The following MYO16 variants were observed in gnomAD, a reference collection of about 807,000 sequenced individuals.
The protein encoded by MYO16 is unconventional myosin-XVI.
A neutral mutation model predicts 205.3 loss-of-function variants in MYO16; 94 were observed. That is an observed-to-expected ratio of 0.46 (90% CI 0.39 to 0.54). MYO16 has a LOEUF of 0.54. Among genes scored for constraint, MYO16 ranks in the 20% least tolerant of loss-of-function variants. The pLI, the probability that MYO16 is intolerant of heterozygous loss-of-function variation, is 0.00. For missense variants in MYO16, 2,315 were observed against 2,387.5 expected (o/e 0.97, Z 0.63); for synonymous variants, 988 against 954.0 (o/e 1.04, Z -0.66).
the MYO16 span, among the ~76,000 whole-genome samples, chr13:108,502,770 A>C: frequency 1.3e-5 from 2 of 152,312 alleles, no homozygotes; most frequent in East Asian, 3.9e-4. Context: ...ATGTGGTTGG[A>C]GTCCCTGGGT....
intron 16 of MYO16, among the ~76,000 whole-genome samples, chr13:108,917,730 G>T (rs923585717): frequency 6.6e-6 from 1 of 152,200 alleles, no homozygotes; most frequent in Non-Finnish European, 1.5e-5. Flanking sequence ...TTGGCCAGAG[G>T]CCCTATATTT....
At chr13:109,040,980 G>A (rs745988904) in intron 23 of MYO16, among the ~76,000 whole-genome samples, 22 of 152,020 alleles carry the variant, frequency 1.4e-4, no homozygotes, top group African/African-American at 5.1e-4. Flanking sequence ...AAAAAGAAAG[G>A]AAAGACTCAA....
chr13:108,811,236 A>G (rs141039951), intron 7 of MYO16, among the ~76,000 whole-genome samples: 45 of 152,226 alleles, frequency 3.0e-4, no homozygotes, highest in African/African-American at 1.1e-3. Context: ...TTTTTACCCA[A>G]GTGTATAAAA....
chr13:108,522,421 T>C, the MYO16 span, among the ~76,000 whole-genome samples: 1 of 152,314 alleles, frequency 6.6e-6, no homozygotes, highest in Admixed American at 6.5e-5. Context: ...AATCCTGTAA[T>C]TTCTAAGAAC....
chr13:108,604,372 G>A (rs1286470405), intron 1 of MYO16, among the ~76,000 whole-genome samples: 1 of 152,092 alleles, frequency 6.6e-6, no homozygotes, highest in Non-Finnish European at 1.5e-5. Context: ...GGCCAGGCAA[G>A]GACTAAAATA....
Position 108,778,534 on chromosome 13 carries a change from G to A in MYO16, c.508-7101G>A, listed in dbSNP as rs571415070. Among the ~76,000 whole-genome samples, 28 of 152,290 alleles carry A rather than the reference G, an allele frequency of 1.8e-4. No homozygotes were observed. In the Middle Eastern group the frequency reaches 0.014, roughly 74 times the overall value. On this transcript the variant is annotated intron_variant, in intron 4 of 34. Coordinates refer to ENST00000457511, the MANE Select transcript of MYO16 (RefSeq NM_001198950.3). ...CCTGGGAGGCTGAGGCAGGAGAATCGCTTGAACCCGGGAGGCGAAGGTTGC... is the reference window on the plus strand; with the variant it reads ...CCTGGGAGGCTGAGGCAGGAGAATCACTTGAACCCGGGAGGCGAAGGTTGC...
At chr13:108,913,401 ATGT>A (rs1183834109) in intron 16 of MYO16, among the ~76,000 whole-genome samples, 1 of 152,132 alleles carries the variant, frequency 6.6e-6, no homozygotes, top group Non-Finnish European at 1.5e-5. Flanking sequence ...CACATTTATA[ATGT>A]TGGTGGATCT....
At chr13:108,652,146 T>TGTGTGTGTGCGCGCGCGC (rs1881035001) in intron 1 of MYO16, among the ~76,000 whole-genome samples, 2 of 148,364 alleles carry the variant, frequency 1.3e-5, no homozygotes, top group Non-Finnish European at 3.0e-5. Flanking sequence ...TACCAATGTG[T>TGTGTGTGTGCGCGCGCGC]GTGTGTGTGC....
chr13:108,714,612 G>GTGTA (rs1419918356), intron 3 of MYO16, among the ~76,000 whole-genome samples: 56 of 140,930 alleles, frequency 4.0e-4, no homozygotes, highest in African/African-American at 1.2e-3. Flanking sequence ...GTGTGTGTGT[G>GTGTA]TATATATATA....
intron 2 of MYO16, among the ~76,000 whole-genome samples, chr13:108,668,277 G>A (rs894183414): frequency 6.6e-6 from 1 of 152,174 alleles, no homozygotes. Context: ...CTAGTTTCTG[G>A]TGGCAAGCTA....
At chr13:108,850,331 C>A (rs1877790735) in intron 10 of MYO16, among the ~76,000 whole-genome samples, 1 of 152,316 alleles carries the variant, frequency 6.6e-6, no homozygotes, top group African/African-American at 2.4e-5. Flanking sequence ...AAAACAGCGT[C>A]CACACAATGG....
At chr13:108,753,155 G>A (rs1885296286) in intron 4 of MYO16, among the ~76,000 whole-genome samples, 1 of 151,026 alleles carries the variant, frequency 6.6e-6, no homozygotes, top group African/African-American at 2.4e-5. Flanking sequence ...GGATCACGAG[G>A]TCAGCAGTTC....
chr13:108,665,848 T>C, intron 1 of MYO16, 38 bp from the exon 2 acceptor site: 2 of 1,591,792 alleles, frequency 1.3e-6, no homozygotes. Context: ...GTGGTTATAA[T>C]AATAGGTCTG....
At chr13:108,623,066 G>A (rs1879602512) in intron 1 of MYO16, among the ~76,000 whole-genome samples, 1 of 152,138 alleles carries the variant, frequency 6.6e-6, no homozygotes, top group African/African-American at 2.4e-5. Flanking sequence ...AAGCCCATGG[G>A]CCTGGGAGGT....
At chr13:108,829,403 G>T (rs899406228) in intron 9 of MYO16, among the ~76,000 whole-genome samples, 1 of 152,208 alleles carries the variant, frequency 6.6e-6, no homozygotes, top group African/African-American at 2.4e-5. Flanking sequence ...GTAGCTGTAG[G>T]CTGAGACAAA....
the MYO16 span, among the ~76,000 whole-genome samples, chr13:108,559,421 G>T: frequency 1.4e-5 from 2 of 147,156 alleles, no homozygotes; most frequent in Admixed American, 1.4e-4. Flanking sequence ...ACATTTCTGC[G>T]TTTTAAGCGA....
In MYO16 at chr13:108,994,043, G is replaced by T. The variant is rs961159591; in HGVS notation, c.2442+1595G>T. The stretch of plus-strand genomic sequence containing the variant: ...ATTGTCAATAGAGTGTCCTAATGAT[G>T]AATACGTGCAAAACTTTTAAGTTAT... On this transcript the variant is annotated intron_variant, in intron 21 of 34. Transcript: ENST00000457511. 2.0e-4 allele frequency among the ~76,000 whole-genome samples: 30 copies of T among 152,150 alleles called. 1 individual carries two copies. Among genetic ancestry groups the T allele is most frequent in the Admixed American group, 4.6e-4 (7 of 15,282 alleles).
chr13:109,149,067 T>C (rs146700203), intron 32 of MYO16, among the ~76,000 whole-genome samples: 24 of 152,302 alleles, frequency 1.6e-4, no homozygotes, highest in African/African-American at 5.1e-4. Context: ...CCTTGTTAGC[T>C]TGATGACAAG....
intron 3 of MYO16, among the ~76,000 whole-genome samples, chr13:108,723,114 A>G (rs1286127731): frequency 6.6e-6 from 1 of 151,930 alleles, no homozygotes; most frequent in Non-Finnish European, 1.5e-5. Flanking sequence ...GTATTCAGTT[A>G]GTGTATCATG....
Sources: gnomAD v4.1 joint callset for allele counts (sites outside exome capture counted in the v4.1 genomes callset) on GRCh38, gnomAD v4.1.1 for gene constraint, MANE v1.5 for transcripts, NCBI Gene and HGNC (gene_info 2026-07-23, HGNC 2026-07-21) for gene names.